The following GABRB2 variants were observed in gnomAD, a reference collection of about 807,000 sequenced individuals.
GABRB2 encodes the protein gamma-aminobutyric acid type A receptor subunit beta2, also known as gamma-aminobutyric acid receptor subunit beta-2.
A neutral mutation model predicts 54.7 loss-of-function variants in GABRB2; 16 were observed. The observed-to-expected ratio is 0.29, with a 90% CI of 0.20 to 0.44. GABRB2 has a LOEUF of 0.44. Ranked by LOEUF, GABRB2 falls within the 20% of genes least tolerant of loss-of-function variation. The pLI is 1.00. For missense variants in GABRB2, 355 were observed against 644.0 expected, an observed-to-expected ratio of 0.55 and a Z score of 4.86; for synonymous variants, 244 against 233.8, an observed-to-expected ratio of 1.04 and a Z score of -0.40.
intron 4 of GABRB2, among the ~76,000 whole-genome samples, chr5:161,445,960 A>G (rs1757603851): frequency 6.6e-6 from 1 of 152,156 alleles, no homozygotes; most frequent in South Asian, 2.1e-4. Context: ...AATATTTCAC[A>G]GAGTTTGACA....
chr5:161,416,696 CAAAAAAAAAAAAAAAAA>C lies in GABRB2; in HGVS notation c.459-5656_459-5640del, dbSNP rs70990782. Among the ~76,000 whole-genome samples, 4 of 35,130 alleles carry C rather than the reference CAAAAAAAAAAAAAAAAA, an allele frequency of 1.1e-4. No homozygotes were observed. The South Asian group carries it at 7.6e-3, about 67-fold the overall frequency. The allele number at this position is 35,130 out of a possible 152,430, so 23.0% of individuals were successfully genotyped here. On this transcript the variant is annotated intron_variant, in intron 4 of 9. Transcript: ENST00000393959. ...TGGGCGGCAGAGCCAGACTCCGTCT[CAAAAAAAAAAAAAAAAA>C]AAAAAAAAAAAATTAGATGCCTTAA...
chr5:161,345,494 T>C (rs1217091798), intron 5 of GABRB2, among the ~76,000 whole-genome samples: 2 of 152,086 alleles, frequency 1.3e-5, no homozygotes, highest in African/African-American at 2.4e-5. Flanking sequence ...TTCAAATCTC[T>C]CATCTTTTGC....
At chr5:161,309,338 A>AT (rs1238570223) in intron 9 of GABRB2, among the ~76,000 whole-genome samples, 2 of 152,242 alleles carry the variant, frequency 1.3e-5, no homozygotes, top group African/African-American at 2.4e-5. Flanking sequence ...AATGGTTATT[A>AT]TTAAAAAGTC....
At chr5:161,463,393 T>A (rs1050571020) in intron 3 of GABRB2, among the ~76,000 whole-genome samples, 3 of 149,186 alleles carry the variant, frequency 2.0e-5, no homozygotes, top group Non-Finnish European at 4.5e-5. Flanking sequence ...AGAGAGATAT[T>A]TCTGGACTCA....
At chr5:161,534,932 A>G (rs558615280) in intron 3 of GABRB2, among the ~76,000 whole-genome samples, 1 of 152,278 alleles carries the variant, frequency 6.6e-6, no homozygotes, top group Admixed American at 6.5e-5. Flanking sequence ...ATAAAAGAAA[A>G]AAAGAAAAAG....
At chr5:161,307,047 A>C (rs1344307892) in intron 9 of GABRB2, among the ~76,000 whole-genome samples, 3 of 152,194 alleles carry the variant, frequency 2.0e-5, no homozygotes, top group Non-Finnish European at 2.9e-5. Context: ...ATGCTAAATG[A>C]TGTGCAGCTG....
chr5:161,421,655 C>A (rs1756857248), intron 4 of GABRB2, among the ~76,000 whole-genome samples: 1 of 152,110 alleles, frequency 6.6e-6, no homozygotes, highest in African/African-American at 2.4e-5. Flanking sequence ...GAGAACCCAA[C>A]ATCAGACAGA....
At chr5:161,414,759 AT>A (rs1244312104) in intron 4 of GABRB2, among the ~76,000 whole-genome samples, 64 of 151,686 alleles carry the variant, frequency 4.2e-4, no homozygotes, top group African/African-American at 1.3e-3. Flanking sequence ...AATAAAACAA[AT>A]ATAACAATAA....
chr5:161,518,697 T>G (rs900267289), intron 3 of GABRB2, among the ~76,000 whole-genome samples: 11 of 152,156 alleles, frequency 7.2e-5, no homozygotes, highest in African/African-American at 2.7e-4. Flanking sequence ...ACTCACATCA[T>G]GGAGATATTT....
Position 161,486,150 on chromosome 5 carries a change from G to T in GABRB2, c.238-26306C>A, listed in dbSNP as rs531156015. ...CATTGAATGTATACTTATGGTTACG[G>T]TAGTCACAGACAGATGGGTCTACAC... On this transcript the variant is annotated intron_variant, in intron 3 of 9. Coordinates refer to ENST00000393959, the MANE Select transcript of GABRB2 (RefSeq NM_001371727.1). Among the ~76,000 whole-genome samples the T allele has an allele frequency of 3.9e-5, 6 of 152,038 alleles. No homozygotes were observed. The South Asian group carries it at 1.2e-3, about 32-fold the overall frequency.
intron 3 of GABRB2, among the ~76,000 whole-genome samples, chr5:161,467,643 G>T (rs75132662): frequency 0.022 from 3,407 of 152,110 alleles, 59 homozygotes; most frequent in Non-Finnish European, 0.034. Context: ...TCAAAAATAT[G>T]ACACAACAGG....
chr5:161,462,890 C>G (rs1758154806), intron 3 of GABRB2, among the ~76,000 whole-genome samples: 1 of 152,068 alleles, frequency 6.6e-6, no homozygotes, highest in Admixed American at 6.6e-5. Context: ...CCCCTAGGCT[C>G]CTATCCACCT....
At chr5:161,343,178 T>C (rs960425382) in intron 5 of GABRB2, among the ~76,000 whole-genome samples, 2 of 152,132 alleles carry the variant, frequency 1.3e-5, no homozygotes, top group Non-Finnish European at 2.9e-5. Flanking sequence ...AATTGCATCT[T>C]ATTCTTCACT....
intron 5 of GABRB2, among the ~76,000 whole-genome samples, chr5:161,378,304 T>A (rs1755368089): frequency 6.6e-6 from 1 of 152,002 alleles, no homozygotes; most frequent in African/African-American, 2.4e-5. Flanking sequence ...TCAACAAGAG[T>A]TGCTCCTAAT....
chr5:161,482,688 C>T (rs988696751), intron 3 of GABRB2, among the ~76,000 whole-genome samples: 2 of 152,064 alleles, frequency 1.3e-5, no homozygotes, highest in Admixed American at 6.6e-5. Context: ...TCCAAAGATG[C>T]CCCTATGGCG....
chr5:161,521,555 T>G (rs1415031576), intron 3 of GABRB2, among the ~76,000 whole-genome samples: 1 of 151,930 alleles, frequency 6.6e-6, no homozygotes, highest in Admixed American at 6.6e-5. Flanking sequence ...TATGTTCACC[T>G]CACAGAAACG....
At chr5:161,518,691 A>G in intron 3 of GABRB2, among the ~76,000 whole-genome samples, 1 of 152,226 alleles carries the variant, frequency 6.6e-6, no homozygotes, top group East Asian at 1.9e-4. Flanking sequence ...AAAAATACTC[A>G]CATCATGGAG....
intron 5 of GABRB2, among the ~76,000 whole-genome samples, chr5:161,340,650 G>A (rs1282973879): frequency 6.6e-6 from 1 of 151,088 alleles, no homozygotes; most frequent in Non-Finnish European, 1.5e-5. Flanking sequence ...AATAATAATG[G>A]CCACTTCATA....
intron 3 of GABRB2, among the ~76,000 whole-genome samples, chr5:161,464,635 A>C (rs1758222907): frequency 6.6e-6 from 1 of 152,106 alleles, no homozygotes; most frequent in African/African-American, 2.4e-5. Flanking sequence ...CAGAAGTGGA[A>C]GCCATCTGAA....
Sources: allele counts gnomAD v4.1 joint callset (sites outside exome capture counted in the v4.1 genomes callset), GRCh38; gene constraint gnomAD v4.1.1; transcripts MANE v1.5; gene names NCBI Gene and HGNC (gene_info 2026-07-23, HGNC 2026-07-21).